Variants in CSMD1 observed in about 807,000 individuals in gnomAD.
The protein encoded by CSMD1 is CUB and sushi domain-containing protein 1.
CSMD1 carries 213 observed loss-of-function variants against 417.5 expected under a neutral mutation model. That is an observed-to-expected ratio of 0.51 (90% CI 0.46 to 0.57). The LOEUF (loss-of-function observed/expected upper bound fraction) is 0.57. Among genes scored for constraint, CSMD1 ranks in the 20% least tolerant of loss-of-function variants. The pLI is 0.00. For synonymous variants in CSMD1, 2,862 were observed against 1,736.8 expected, an observed-to-expected ratio of 1.65 and a Z score of -16.11; for missense variants, 6,923 against 4,529.7, an observed-to-expected ratio of 1.53 and a Z score of -15.17.
rs773696700 is a variant in CSMD1 at position 3,957,231 on chromosome 8, C to T, written c.818+40672G>A. On this transcript the variant is annotated intron_variant, in intron 5 of 69. Transcript: ENST00000635120. The stretch of plus-strand genomic sequence containing the variant: ...AAATGAGAAGACAGAAATATAGGAG[C>T]AAAGACAGTCTTTGTGTGTAGGTTT... Among the ~76,000 whole-genome samples, 14 of 152,290 alleles carry T rather than the reference C, an allele frequency of 9.2e-5. 1 individual carries two copies. Among genetic ancestry groups the T allele is most frequent in the Non-Finnish European group, 1.6e-4 (11 of 68,030 alleles).
At chr8:4,646,939 A>G (rs1268690291) in intron 1 of CSMD1, among the ~76,000 whole-genome samples, 1 of 152,188 alleles carries the variant, frequency 6.6e-6, no homozygotes, top group East Asian at 1.9e-4. Context: ...ACATTTTTAA[A>G]AAGAGATATA....
At chr8:4,715,798 C>G (rs1042342578) in intron 1 of CSMD1, among the ~76,000 whole-genome samples, 1 of 152,176 alleles carries the variant, frequency 6.6e-6, no homozygotes, top group African/African-American at 2.4e-5. Context: ...ACGAGCCCGT[C>G]CTCCTATCTC....
intron 49 of CSMD1, among the ~76,000 whole-genome samples, chr8:3,055,245 G>C (rs1002515110): frequency 2.0e-5 from 3 of 152,172 alleles, no homozygotes; most frequent in Non-Finnish European, 2.9e-5. Context: ...TGTTACATCT[G>C]GATGCTTATT....
chr8:4,069,379 G>T (rs1028384028), intron 3 of CSMD1, among the ~76,000 whole-genome samples: 1 of 152,102 alleles, frequency 6.6e-6, no homozygotes, highest in South Asian at 2.1e-4. Flanking sequence ...TTTACTTTAT[G>T]CTTTCGTCTG....
rs556576847 is a variant in CSMD1 at position 4,554,517 on chromosome 8, T to C, written c.302+82825A>G. Among the ~76,000 whole-genome samples, 239 of 152,316 alleles carry C rather than the reference T, an allele frequency of 1.6e-3. 1 individual carries two copies. Among genetic ancestry groups the C allele is most frequent in the Non-Finnish European group, 2.7e-3 (186 of 68,024 alleles). On this transcript the variant is annotated intron_variant, in intron 2 of 69. Coordinates refer to ENST00000635120, the MANE Select transcript of CSMD1 (RefSeq NM_033225.6). ...ACAAATTTCCTGTTTAATTTGTGGC[T>C]TTATAGAAATTACTGGAGTGATAAT...
intron 3 of CSMD1, among the ~76,000 whole-genome samples, chr8:4,090,426 A>G (rs532144287): frequency 4.9e-4 from 75 of 152,154 alleles, no homozygotes; most frequent in African/African-American, 1.8e-3. Context: ...TCTTGATTGG[A>G]CGTGTTTAAT....
intron 10 of CSMD1, among the ~76,000 whole-genome samples, chr8:3,543,781 T>G (rs889733890): frequency 6.6e-6 from 1 of 152,180 alleles, no homozygotes; most frequent in African/African-American, 2.4e-5. Flanking sequence ...TGTGGACAAT[T>G]CACTGTTTGC....
rs79485750 is a variant in CSMD1 at position 4,739,427 on chromosome 8, T to C, written c.86-101869A>G. On this transcript the variant is annotated intron_variant, in intron 1 of 69. Coordinates refer to ENST00000635120, the MANE Select transcript of CSMD1 (RefSeq NM_033225.6). ...TTATATCTGATACCTCCCAACTCTC[T>C]ACAATATAAAGAGAAAAGGTCATGT... 2.7e-3 allele frequency among the ~76,000 whole-genome samples: 407 copies of C among 152,346 alleles called. 3 individuals carry two copies. The highest frequency in any genetic ancestry group is 0.01 in the Middle Eastern group (3 of 294).
chr8:4,351,695 T>C lies in CSMD1; in HGVS notation c.415+68258A>G, dbSNP rs140574682. On this transcript the variant is annotated intron_variant, in intron 3 of 69. Transcript: ENST00000635120. ...TCTTCCAAGAGGAGACTTGAATCCT[T>C]AGGAGGAATTAGCCAGACATGGAAA... Among the ~76,000 whole-genome samples the C allele has an allele frequency of 3.8e-3, 573 of 152,178 alleles. 1 individual carries two copies. Among genetic ancestry groups the C allele is most frequent in the South Asian group, 0.015 (74 of 4,818 alleles).
At chr8:3,241,401 C>T (rs1039361164) in intron 26 of CSMD1, among the ~76,000 whole-genome samples, 27 of 152,210 alleles carry the variant, frequency 1.8e-4, no homozygotes, top group Middle Eastern at 3.4e-3. Flanking sequence ...CGGTCTTACC[C>T]TCCACTGTGA....
intron 17 of CSMD1, among the ~76,000 whole-genome samples, chr8:3,395,893 T>C (rs989120717): frequency 3.3e-5 from 5 of 152,214 alleles, no homozygotes; most frequent in Middle Eastern, 3.2e-3. Flanking sequence ...CATTTTCTAA[T>C]AATAGAAGTA....
chr8:4,724,117 G>C (rs552174858), intron 1 of CSMD1, among the ~76,000 whole-genome samples: 1 of 152,072 alleles, frequency 6.6e-6, no homozygotes, highest in African/African-American at 2.4e-5. Flanking sequence ...TCATTTTCCT[G>C]TAAGACAACT....
At chr8:4,291,885 C>A (rs1157314578) in intron 3 of CSMD1, among the ~76,000 whole-genome samples, 1 of 152,068 alleles carries the variant, frequency 6.6e-6, no homozygotes, top group Non-Finnish European at 1.5e-5. Context: ...TTCAGGTGGA[C>A]AATTTGTTTT....
chr8:4,029,884 T>C (rs1797252401), intron 4 of CSMD1, among the ~76,000 whole-genome samples: 1 of 147,034 alleles, frequency 6.8e-6, no homozygotes, highest in African/African-American at 2.6e-5. Flanking sequence ...CATTCAAAAA[T>C]GGGAGAAATT....
chr8:2,960,955 T>A (rs201197420), intron 62 of CSMD1, among the ~76,000 whole-genome samples, 186 bp downstream of exon 62: 2 of 118,518 alleles, frequency 1.7e-5, no homozygotes, highest in East Asian at 4.6e-4. Context: ...TATATATATA[T>A]ATATATATAT....
At chr8:3,221,147 G>T (rs1487247067) in intron 28 of CSMD1, among the ~76,000 whole-genome samples, 1 of 152,206 alleles carries the variant, frequency 6.6e-6, no homozygotes, top group Non-Finnish European at 1.5e-5. Context: ...ACTGCACCAT[G>T]AAGGGGAACA....
At chr8:3,841,260 T>G (rs1803114311) in intron 5 of CSMD1, among the ~76,000 whole-genome samples, 1 of 152,192 alleles carries the variant, frequency 6.6e-6, no homozygotes, top group Non-Finnish European at 1.5e-5. Context: ...AAATAGTTCA[T>G]GAGCTTGATT....
At chr8:3,810,146 G>A (rs187867383) in intron 5 of CSMD1, among the ~76,000 whole-genome samples, 367 of 151,744 alleles carry the variant, frequency 2.4e-3, no homozygotes, top group African/African-American at 8.6e-3. Flanking sequence ...GGCCCCAACT[G>A]ACTATCATAG....
Position 4,537,945 on chromosome 8 carries a change from G to A in CSMD1, c.302+99397C>T, listed in dbSNP as rs547296860. Among the ~76,000 whole-genome samples, 70 of 152,274 alleles carry A rather than the reference G, an allele frequency of 4.6e-4. 1 individual carries two copies. Among genetic ancestry groups the A allele is most frequent in the African/African-American group, 1.6e-3 (66 of 41,556 alleles). On this transcript the variant is annotated intron_variant, in intron 2 of 69. Coordinates refer to ENST00000635120, the MANE Select transcript of CSMD1 (RefSeq NM_033225.6). ...AGCATTAACTTCATTAACTGGCTCT[G>A]ACAAACCAATTTGCTTTTAACAGCT...
Sources: gnomAD v4.1 joint callset for allele counts (sites outside exome capture counted in the v4.1 genomes callset) on GRCh38, gnomAD v4.1.1 for gene constraint, MANE v1.5 for transcripts, NCBI Gene and HGNC (gene_info 2026-07-23, HGNC 2026-07-21) for gene names.